MAGI2: variants seen among roughly 807,000 people sequenced by gnomAD.
The protein encoded by MAGI2 is membrane-associated guanylate kinase, WW and PDZ domain-containing protein 2.
In MAGI2, 35 loss-of-function variants were observed where a neutral mutation model predicts 133.3. The observed-to-expected ratio is 0.26, with a 90% confidence interval of 0.20 to 0.35. The LOEUF (loss-of-function observed/expected upper bound fraction) is 0.35. Ranked by LOEUF, MAGI2 falls within the 10% of genes least tolerant of loss-of-function variation. MAGI2 has a pLI of 1.00. For synonymous variants in MAGI2, 729 were observed against 710.6 expected, an observed-to-expected ratio of 1.03 and a Z score of -0.41; for missense variants, 1,636 against 1,863.4, an observed-to-expected ratio of 0.88 and a Z score of 2.25.
At chr7:78,459,650 AAC>A (rs1251799193) in intron 6 of MAGI2, among the ~76,000 whole-genome samples, 1 of 152,222 alleles carries the variant, frequency 6.6e-6, no homozygotes, top group Non-Finnish European at 1.5e-5. Flanking sequence ...AACTTAATTG[AAC>A]ACTTTATTTT....
At chr7:78,524,255 G>A (rs955588764) in intron 3 of MAGI2, among the ~76,000 whole-genome samples, 1 of 152,128 alleles carries the variant, frequency 6.6e-6, no homozygotes, top group Non-Finnish European at 1.5e-5. Context: ...CTGCTACCCC[G>A]CCCCGGCAGA....
intron 1 of MAGI2, among the ~76,000 whole-genome samples, chr7:79,372,895 A>G (rs1371266939): frequency 1.3e-5 from 2 of 152,038 alleles, no homozygotes; most frequent in African/African-American, 4.8e-5. Context: ...TTCAGAAGCC[A>G]CTCTGCTTTG....
intron 1 of MAGI2, among the ~76,000 whole-genome samples, chr7:79,076,372 G>A (rs948773145): frequency 6.6e-6 from 1 of 152,156 alleles, no homozygotes; most frequent in Non-Finnish European, 1.5e-5. Flanking sequence ...AATATTTTAA[G>A]GCTATTTTCA....
intron 2 of MAGI2, among the ~76,000 whole-genome samples, chr7:78,944,007 T>C (rs185501462): frequency 4.6e-5 from 7 of 152,296 alleles, no homozygotes; most frequent in African/African-American, 1.7e-4. Flanking sequence ...ACATCATTTT[T>C]ACTGTTATAT....
At chr7:78,531,823 C>G (rs1284572914) in intron 3 of MAGI2, among the ~76,000 whole-genome samples, 1 of 152,158 alleles carries the variant, frequency 6.6e-6, no homozygotes, top group Non-Finnish European at 1.5e-5. Context: ...ACCTCTACGA[C>G]TATTTTTAGT....
intron 1 of MAGI2, among the ~76,000 whole-genome samples, chr7:79,069,089 G>A (rs1814683945): frequency 6.6e-6 from 1 of 152,046 alleles, no homozygotes; most frequent in African/African-American, 2.4e-5. Context: ...ATTTGGGGTA[G>A]AGAGTTCTGT....
intron 2 of MAGI2, among the ~76,000 whole-genome samples, chr7:78,744,896 C>T (rs947316941): frequency 1.3e-5 from 2 of 152,146 alleles, no homozygotes; most frequent in African/African-American, 4.8e-5. Flanking sequence ...ACAACAGCTT[C>T]CTTTTATTGA....
chr7:78,381,331 A>G (rs62461542), intron 6 of MAGI2, among the ~76,000 whole-genome samples: 1 of 151,954 alleles, frequency 6.6e-6, no homozygotes, highest in Non-Finnish European at 1.5e-5. Flanking sequence ...TGGGTGACAT[A>G]TAAGACTCTG....
chr7:78,844,041 A>G (rs375838094), intron 2 of MAGI2, among the ~76,000 whole-genome samples: 1 of 149,460 alleles, frequency 6.7e-6, no homozygotes, highest in African/African-American at 2.4e-5. Flanking sequence ...CTGAAAGGAA[A>G]TCTACACACA....
intron 2 of MAGI2, among the ~76,000 whole-genome samples, chr7:78,771,618 T>C (rs573234140): frequency 6.6e-6 from 1 of 152,208 alleles, no homozygotes; most frequent in Admixed American, 6.5e-5. Context: ...ACAATTCTTT[T>C]AAACTTGTAA....
chr7:78,295,511 C>A (rs1240821918), intron 9 of MAGI2, among the ~76,000 whole-genome samples: 23 of 152,180 alleles, frequency 1.5e-4, no homozygotes, highest in Admixed American at 1.5e-3. Flanking sequence ...TCCTCAGTAT[C>A]ATCGCACATA....
intron 16 of MAGI2, among the ~76,000 whole-genome samples, chr7:78,150,139 G>A (rs1823725746): frequency 6.6e-6 from 1 of 152,150 alleles, no homozygotes; most frequent in Non-Finnish European, 1.5e-5. Context: ...GGTGTGGTAG[G>A]AAAGAGTTTC....
At position 78,502,509 on chromosome 7, in the gene MAGI2, C is replaced by T. The variant is rs527943623; in HGVS notation, c.755-722G>A. ...ACCATGGTGCAAAAATAGATGATTA[C>T]AGTACAGTAAGATAGAGAGAGAGAA... On this transcript the variant is annotated intron_variant, in intron 4 of 21. Coordinates refer to ENST00000354212, the MANE Select transcript of MAGI2 (RefSeq NM_012301.4). Among the ~76,000 whole-genome samples, 3 of 152,268 alleles carry T rather than the reference C, an allele frequency of 2.0e-5. No individual in the cohort carries two copies. In the East Asian group the frequency reaches 5.8e-4, roughly 29 times the overall value.
chr7:79,444,598 C>A (rs1029306388), intron 1 of MAGI2, among the ~76,000 whole-genome samples: 27 of 150,726 alleles, frequency 1.8e-4, no homozygotes, highest in Admixed American at 5.3e-4. Context: ...TAGGAATCCA[C>A]CTTACAAGGG....
intron 1 of MAGI2, chr7:79,415,501 G>C (rs1439682757): frequency 6.6e-6 from 1 of 152,134 alleles, no homozygotes; most frequent in Non-Finnish European, 1.5e-5. Flanking sequence ...TTCCCAGATA[G>C]CTGCCTTAGA....
intron 3 of MAGI2, among the ~76,000 whole-genome samples, chr7:78,548,321 G>T (rs369251317): frequency 1.9e-4 from 29 of 152,304 alleles, no homozygotes; most frequent in African/African-American, 5.1e-4. Context: ...TGAAGCTAAT[G>T]ATACTGGTTT....
chr7:78,705,094 G>T (rs1312957197), intron 2 of MAGI2, among the ~76,000 whole-genome samples: 1 of 151,902 alleles, frequency 6.6e-6, no homozygotes, highest in Non-Finnish European at 1.5e-5. Flanking sequence ...GGGAAGAACT[G>T]GTTTACCAGT....
At chr7:79,216,168 A>T (rs1377973121) in intron 1 of MAGI2, among the ~76,000 whole-genome samples, 1 of 151,986 alleles carries the variant, frequency 6.6e-6, no homozygotes, top group Non-Finnish European at 1.5e-5. Flanking sequence ...GAAGGAGAGA[A>T]GAGATGGAAT....
At chr7:79,205,307 A>G (rs1216273182) in intron 1 of MAGI2, among the ~76,000 whole-genome samples, 1 of 152,036 alleles carries the variant, frequency 6.6e-6, no homozygotes, top group Non-Finnish European at 1.5e-5. Flanking sequence ...CTCACAGACC[A>G]GGAGAAAGTG....
Sources: gnomAD v4.1 joint callset for allele counts (sites outside exome capture counted in the v4.1 genomes callset) on GRCh38, gnomAD v4.1.1 for gene constraint, MANE v1.5 for transcripts, NCBI Gene and HGNC (gene_info 2026-07-23, HGNC 2026-07-21) for gene names.